The following CTNNBL1 variants were observed in gnomAD, a reference collection of about 807,000 sequenced individuals.
CTNNBL1 encodes the protein beta-catenin-like protein 1.
Under a neutral mutation model 72.7 loss-of-function variants are expected in CTNNBL1, and 31 were observed. The ratio of observed to expected loss-of-function variants is 0.43; its 90% CI spans 0.32 to 0.58. The LOEUF is 0.58. Among genes scored for constraint, CTNNBL1 ranks in the 20% least tolerant of loss-of-function variants. The probability of loss-of-function intolerance (pLI) is 0.08; values close to 1 mark genes in which losing one functional copy is unlikely to be tolerated. For synonymous variants in CTNNBL1, 240 were observed against 267.3 expected (o/e 0.90, Z 1.00); for missense variants, 534 against 725.1 (o/e 0.74, Z 3.03).
chr20:37,783,753 A>G (rs904331767), intron 10 of CTNNBL1, among the ~76,000 whole-genome samples: 1 of 152,168 alleles, frequency 6.6e-6, no homozygotes, highest in Non-Finnish European at 1.5e-5. Flanking sequence ...TTGTATTTTT[A>G]AAGAATTGTT....
At position 37,859,883 on chromosome 20, in the gene CTNNBL1, G is replaced by A. The variant is rs45500793; in HGVS notation, c.1393-16G>A. 7.2e-3 allele frequency: 11,605 copies of A among 1,612,994 alleles called. 62 individuals carry two copies. The highest frequency in any genetic ancestry group is 9.1e-3 in the Non-Finnish European group (10,742 of 1,179,372). ...CACTGTCCAGCTTTTATTCCTAAACGTTCATTTGTTTCTAGGACATGGTCC... is the reference window on the plus strand; with the variant it reads ...CACTGTCCAGCTTTTATTCCTAAACATTCATTTGTTTCTAGGACATGGTCC... On this transcript the variant is annotated splice_polypyrimidine_tract_variant and intron_variant, in intron 13 of 15. Transcript: ENST00000361383.
intron 3 of CTNNBL1, among the ~76,000 whole-genome samples, chr20:37,742,732 A>AT (rs60626062): frequency 0.5 from 75,458 of 152,016 alleles, 21,336 homozygotes; most frequent in African/African-American, 0.78. Flanking sequence ...GATTAAAAAA[A>AT]AATAATAAAA....
At chr20:37,701,297 T>A (rs1474832943) in intron 1 of CTNNBL1, among the ~76,000 whole-genome samples, 1 of 152,222 alleles carries the variant, frequency 6.6e-6, no homozygotes. Context: ...CCGGTTTTTG[T>A]TCTTGGAGAT....
intron 15 of CTNNBL1, among the ~76,000 whole-genome samples, chr20:37,861,460 C>T (rs886374585): frequency 6.6e-6 from 1 of 152,174 alleles, no homozygotes; most frequent in Non-Finnish European, 1.5e-5. Context: ...CTGACGATGC[C>T]GGAGTTCAGG....
rs781766062 is a variant in CTNNBL1, at chr20:37,698,268, C to T, written c.30+4116C>T. On this transcript the variant is annotated intron_variant, in intron 1 of 15. Coordinates refer to ENST00000361383, the MANE Select transcript of CTNNBL1 (RefSeq NM_030877.5). ...CTGCTACTGGAGAGCACTTTGATCT[C>T]GCCAGCCTAGGGCGGGCATGCTCAT... is the stretch of plus-strand genomic sequence containing the variant. 7.8e-4 allele frequency among the ~76,000 whole-genome samples: 119 copies of T among 152,214 alleles called. 1 individual carries two copies. The highest frequency in any genetic ancestry group is 1.6e-3 in the Non-Finnish European group (112 of 68,038).
intron 13 of CTNNBL1, among the ~76,000 whole-genome samples, chr20:37,844,613 A>G (rs1297165270): frequency 3.3e-5 from 5 of 152,174 alleles, no homozygotes; most frequent in Admixed American, 3.3e-4. Context: ...ATTAGAATAA[A>G]AACACCTCCC....
At chr20:37,813,402 T>C (rs773526683) in intron 11 of CTNNBL1, among the ~76,000 whole-genome samples, 3 of 152,244 alleles carry the variant, frequency 2.0e-5, no homozygotes, top group African/African-American at 4.8e-5. Context: ...GTTTTAACTA[T>C]GCTCTGCTGC....
intron 10 of CTNNBL1, among the ~76,000 whole-genome samples, chr20:37,788,601 C>T (rs1339237427): frequency 6.6e-6 from 1 of 152,262 alleles, no homozygotes; most frequent in Non-Finnish European, 1.5e-5. Flanking sequence ...GAGTCCTGGG[C>T]TCCTGCCCTG....
intron 10 of CTNNBL1, among the ~76,000 whole-genome samples, chr20:37,785,553 C>G (rs1370701208): frequency 6.6e-6 from 1 of 152,158 alleles, no homozygotes; most frequent in Non-Finnish European, 1.5e-5. Context: ...TTAAGAGACT[C>G]TGATGCATTC....
intron 5 of CTNNBL1, 24 bp from the exon 6 acceptor site, chr20:37,765,173 C>T (rs1282694629): frequency 4.0e-6 from 6 of 1,513,338 alleles, no homozygotes; most frequent in African/African-American, 2.8e-5. Context: ...ATCCCTCTCT[C>T]CTTTTGCTTC....
chr20:37,796,746 C>T (rs1600493615), intron 10 of CTNNBL1, among the ~76,000 whole-genome samples: 1 of 151,842 alleles, frequency 6.6e-6, no homozygotes, highest in East Asian at 1.9e-4. Flanking sequence ...GTTCATTCAT[C>T]ACTGGCCGTC....
chr20:37,727,832 C>T (rs1263493880), intron 1 of CTNNBL1, among the ~76,000 whole-genome samples: 1 of 152,130 alleles, frequency 6.6e-6, no homozygotes, highest in Non-Finnish European at 1.5e-5. Flanking sequence ...TTTGGCTTCC[C>T]TTTGGTGAAA....
chr20:37,784,082 CCCTTTA>C (rs1478455903), intron 10 of CTNNBL1, among the ~76,000 whole-genome samples: 4 of 152,110 alleles, frequency 2.6e-5, no homozygotes, highest in Non-Finnish European at 4.4e-5. Flanking sequence ...CTGAATGGGT[CCCTTTA>C]CCGTTATGTA....
intron 1 of CTNNBL1, among the ~76,000 whole-genome samples, chr20:37,707,721 C>T (rs531490215): frequency 1.3e-4 from 20 of 152,212 alleles, no homozygotes; most frequent in Non-Finnish European, 2.8e-4. Context: ...TGTGCATTCA[C>T]GCTTTTCTGT....
chr20:37,763,689 C>CT (rs1013388318), intron 5 of CTNNBL1, among the ~76,000 whole-genome samples: 1 of 152,266 alleles, frequency 6.6e-6, no homozygotes, highest in East Asian at 1.9e-4. Context: ...TCGTTTCCTT[C>CT]TTTTTTCTCC....
intron 13 of CTNNBL1, among the ~76,000 whole-genome samples, chr20:37,844,972 C>T (rs1280282464): frequency 1.3e-5 from 2 of 152,040 alleles, no homozygotes; most frequent in South Asian, 2.1e-4. Context: ...AAACACCTCG[C>T]GTTAAAGGTT....
chr20:37,865,066 T>C (rs2072526078), intron 15 of CTNNBL1, among the ~76,000 whole-genome samples: 1 of 152,152 alleles, frequency 6.6e-6, no homozygotes, highest in Non-Finnish European at 1.5e-5. Flanking sequence ...GTAAGGAATG[T>C]GCCAACTGCT....
At chr20:37,718,756 A>G (rs935282381) in intron 1 of CTNNBL1, among the ~76,000 whole-genome samples, 1 of 152,214 alleles carries the variant, frequency 6.6e-6, no homozygotes, top group Non-Finnish European at 1.5e-5. Flanking sequence ...TGCAGAAGGA[A>G]CTCACCTGAC....
chr20:37,829,965 G>A (rs1042632221), intron 11 of CTNNBL1, among the ~76,000 whole-genome samples: 1 of 151,996 alleles, frequency 6.6e-6, no homozygotes, highest in Non-Finnish European at 1.5e-5. Context: ...CCAAGTAGTT[G>A]GGATCACAGG....
Sources: gnomAD v4.1 joint callset for allele counts (sites outside exome capture counted in the v4.1 genomes callset) on GRCh38, gnomAD v4.1.1 for gene constraint, MANE v1.5 for transcripts, NCBI Gene and HGNC (gene_info 2026-07-23, HGNC 2026-07-21) for gene names.